Variants in ZNF442 observed in about 807,000 individuals in gnomAD.
ZNF442 encodes zinc finger protein 442.
In ZNF442, 45 loss-of-function variants were observed where a neutral mutation model predicts 57.0. That is an observed-to-expected ratio of 0.79 (90% confidence interval 0.62 to 1.01). The LOEUF (loss-of-function observed/expected upper bound fraction) is 1.01. ZNF442 is among the 50% of genes least tolerant of loss of function. ZNF442 has a pLI of 0.00. For missense variants in ZNF442, 690 were observed against 756.5 expected, an observed-to-expected ratio of 0.91 and a Z score of 1.03; for synonymous variants, 213 against 241.8, an observed-to-expected ratio of 0.88 and a Z score of 1.10.
intron 3 of ZNF442, among the ~76,000 whole-genome samples, chr19:12,362,273 A>T (rs1403692299): frequency 2.6e-5 from 4 of 151,136 alleles, no homozygotes; most frequent in African/African-American, 9.8e-5. Flanking sequence ...CTAGGAAGTG[A>T]GGAGCATCTC....
intron 3 of ZNF442, among the ~76,000 whole-genome samples, chr19:12,354,169 AATGTTTATTGCAAC>A: frequency 6.6e-6 from 1 of 152,322 alleles, no homozygotes; most frequent in South Asian, 2.1e-4. Context: ...AACTTTTCAA[AATGTTTATTGCAAC>A]ATGTTACTTG....
intron 3 of ZNF442, among the ~76,000 whole-genome samples, chr19:12,359,702 C>T (rs1381138822): frequency 2.0e-5 from 3 of 152,044 alleles, no homozygotes; most frequent in African/African-American, 2.4e-5. Context: ...ATTCTCGGCC[C>T]GGCGTGGTTG....
the ZNF442 span, among the ~76,000 whole-genome samples, chr19:12,372,618 C>T: frequency 1.3e-5 from 2 of 152,128 alleles, no homozygotes; most frequent in Admixed American, 1.3e-4. Context: ...ATTCTCTCAC[C>T]TTGATGTGTT....
upstream of ZNF442, among the ~76,000 whole-genome samples, chr19:12,367,724 A>G (rs890043157): frequency 6.6e-6 from 1 of 152,036 alleles, no homozygotes; most frequent in Admixed American, 6.6e-5. Flanking sequence ...GCTGGAGTGC[A>G]GTGGCACAAT....
upstream of ZNF442, among the ~76,000 whole-genome samples, chr19:12,370,420 C>T (rs1969571360): frequency 6.6e-6 from 1 of 151,952 alleles, no homozygotes; most frequent in South Asian, 2.1e-4. Context: ...GCTTACTCGC[C>T]CGCTGCTCAC....
chr19:12,363,148 A>G (rs115015624), intron 3 of ZNF442, among the ~76,000 whole-genome samples: 6,066 of 140,562 alleles, frequency 0.043, 494 homozygotes, highest in African/African-American at 0.16. Flanking sequence ...AACAGTGCGA[A>G]GCTCCGTCTC....
At chr19:12,360,861 C>T (rs1327226229) in intron 3 of ZNF442, among the ~76,000 whole-genome samples, 2 of 152,062 alleles carry the variant, frequency 1.3e-5, no homozygotes, top group African/African-American at 4.8e-5. Flanking sequence ...GTCTAGGCAA[C>T]AGAGCAAGAT....
At chr19:12,360,741 G>A (rs1452009697) in intron 3 of ZNF442, among the ~76,000 whole-genome samples, 4 of 151,990 alleles carry the variant, frequency 2.6e-5, no homozygotes, top group Non-Finnish European at 4.4e-5. Context: ...CACGCCCGTG[G>A]TGGTGGTGGG....
intron 3 of ZNF442, among the ~76,000 whole-genome samples, chr19:12,357,277 T>C (rs971314027): frequency 1.3e-5 from 2 of 152,126 alleles, no homozygotes; most frequent in Non-Finnish European, 2.9e-5. Context: ...TCTCATACTT[T>C]ATGTGCATTA....
chr19:12,373,007 C>CAG, the ZNF442 span, among the ~76,000 whole-genome samples: 1 of 152,118 alleles, frequency 6.6e-6, no homozygotes, highest in Admixed American at 6.5e-5. Context: ...CTCCTGACAT[C>CAG]GTGATCTGCC....
chr19:12,348,569 T>G lies in ZNF442; in HGVS notation c.*1132A>C, dbSNP rs1371487348. Reference sequence around the variant, plus strand: ...AGTGTGTACACATCTTCAGCCCTCATGCTGAACAGATTCTGACATTAGTAT... The same window carrying G: ...AGTGTGTACACATCTTCAGCCCTCAGGCTGAACAGATTCTGACATTAGTAT... On this transcript the variant is annotated 3_prime_UTR_variant, in exon 6 of 6. Coordinates refer to ENST00000242804, the MANE Select transcript of ZNF442 (RefSeq NM_030824.3). 1 of 152,192 alleles carries G rather than the reference T, an allele frequency of 6.6e-6. No homozygotes were observed. The highest frequency in any genetic ancestry group is 1.9e-4 in the East Asian group (1 of 5,188). The allele number at this position is 152,192 out of a possible 1,614,324, so 9.4% of individuals were successfully genotyped here.
intron 1 of ZNF442, 91 bp downstream of exon 1, chr19:12,365,442 G>A (rs956592250): frequency 6.2e-6 from 2 of 324,910 alleles, no homozygotes; most frequent in South Asian, 3.6e-5. Context: ...CGCAGTCGCC[G>A]CGGGGACGCC....
At chr19:12,360,119 A>T (rs1170724826) in intron 3 of ZNF442, among the ~76,000 whole-genome samples, 3 of 151,606 alleles carry the variant, frequency 2.0e-5, no homozygotes, top group Admixed American at 1.3e-4. Context: ...ATTTTATTTT[A>T]TTTTTTTTGA....
At chr19:12,373,652 TC>T in the ZNF442 span, 1 of 308,244 alleles carries the variant, frequency 3.2e-6, no homozygotes, top group Non-Finnish European at 6.6e-6. Flanking sequence ...CATGGTCTGA[TC>T]CGGAAATATG....
intron 3 of ZNF442, among the ~76,000 whole-genome samples, chr19:12,360,738 G>A (rs533670514): frequency 1.3e-5 from 2 of 152,114 alleles, no homozygotes; most frequent in Admixed American, 6.5e-5. Flanking sequence ...CACCACGCCC[G>A]TGGTGGTGGT....
intron 4 of ZNF442, 91 bp downstream of exon 4, chr19:12,352,897 C>T: frequency 2.0e-6 from 3 of 1,479,420 alleles, no homozygotes; most frequent in Non-Finnish European, 2.7e-6. Flanking sequence ...CAACTATATC[C>T]CCTTTCGGTA....
rs547423528 is a variant in ZNF442, at chr19:12,362,006, T to A, written c.78+1548A>T. Among the ~76,000 whole-genome samples, 33 of 152,144 alleles carry A rather than the reference T, an allele frequency of 2.2e-4. 1 individual carries two copies. In the South Asian group the frequency reaches 5.8e-3, roughly 27 times the overall value. On this transcript the variant is annotated intron_variant, in intron 3 of 5. Transcript: ENST00000242804. The stretch of plus-strand genomic sequence containing the variant: ...CGAGGTGCAGGGATTGCAGACGGAG[T>A]CTCGTTCACTCAGTGCTCAATGTTG...
rs1159680669 is a variant in ZNF442, at chr19:12,350,115, A to T, written c.1470T>A (p.Cys490Ter). 1 of 1,614,034 alleles carries T rather than the reference A, an allele frequency of 6.2e-7. No individual in the cohort carries two copies. Among genetic ancestry groups the T allele is most frequent in the East Asian group, 2.2e-5 (1 of 44,876 alleles). ...TTHTGEKPYE[C>*]KECGKAFSCF... ...AACTGAATGCTTTCCCACATTCCTTACACTCATATGGCTTCTCTCCAGTGT... is the reference window on the plus strand; with the variant it reads ...AACTGAATGCTTTCCCACATTCCTTTCACTCATATGGCTTCTCTCCAGTGT... Residue 490 changes from cysteine (C) to a stop codon, truncating the protein, a stop_gained, in exon 6 of 6, where the codon TGT (cysteine) becomes TGA (stop). Coordinates refer to ENST00000242804, the MANE Select transcript of ZNF442 (RefSeq NM_030824.3). LOFTEE classifies it high-confidence loss of function.
At chr19:12,366,017 C>T (rs1327573332), upstream of ZNF442, 1 of 152,290 alleles carries the variant, frequency 6.6e-6, no homozygotes, top group African/African-American at 2.4e-5. Context: ...TGGAGCCATC[C>T]CCTGGCCTCA....
Sources: allele counts gnomAD v4.1 joint callset (sites outside exome capture counted in the v4.1 genomes callset), GRCh38; gene constraint gnomAD v4.1.1; transcripts MANE v1.5; gene names NCBI Gene and HGNC (gene_info 2026-07-23, HGNC 2026-07-21).